The following OR9Q1 variants were observed in gnomAD, a reference collection of about 807,000 sequenced individuals.
OR9Q1 encodes olfactory receptor family 9 subfamily Q member 1.
For missense variants in OR9Q1, 374 were observed against 378.8 expected, an observed-to-expected ratio of 0.99 and a Z score of 0.11; for synonymous variants, 153 against 148.6, an observed-to-expected ratio of 1.03 and a Z score of -0.22.
intron 2 of OR9Q1, among the ~76,000 whole-genome samples, chr11:58,131,073 A>C (rs1013758269): frequency 6.6e-6 from 1 of 152,138 alleles, no homozygotes; most frequent in Non-Finnish European, 1.5e-5. Context: ...AATGCTATAA[A>C]CATCTCCCTG....
At chr11:58,036,805 A>G (rs1186962867) in intron 1 of OR9Q1, among the ~76,000 whole-genome samples, 1 of 152,240 alleles carries the variant, frequency 6.6e-6, no homozygotes, top group African/African-American at 2.4e-5. Context: ...ATGGATGAAG[A>G]GTTGCTTCTT....
chr11:58,152,838 G>T (rs1379697762), intron 2 of OR9Q1, among the ~76,000 whole-genome samples: 1 of 151,640 alleles, frequency 6.6e-6, no homozygotes, highest in Non-Finnish European at 1.5e-5. Context: ...CATTTTTTAT[G>T]TCTCACATCT....
chr11:58,070,304 C>T (rs1853474978), intron 2 of OR9Q1, among the ~76,000 whole-genome samples: 1 of 151,956 alleles, frequency 6.6e-6, no homozygotes, highest in South Asian at 2.1e-4. Flanking sequence ...GTGTGAACCA[C>T]CATGTCTGGC....
In OR9Q1 at chr11:58,109,620, A is replaced by C. The variant is rs1353233057; in HGVS notation, c.-15+53673A>C. 3 of 456,984 alleles carry C rather than the reference A, an allele frequency of 6.6e-6. No homozygotes were observed. The East Asian group carries it at 2.1e-4, about 32-fold the overall frequency. 28.3% of individuals were successfully genotyped at this position (456,984 alleles called of 1,614,324 possible). On this transcript the variant is annotated intron_variant, in intron 2 of 2. Coordinates refer to ENST00000335397, the MANE Select transcript of OR9Q1 (RefSeq NM_001005212.4). The stretch of plus-strand genomic sequence containing the variant: ...GTTCAGGGTGATCTGTGAAGACTAC[A>C]AGAATGAACTCTGTCACAGTGCTGA...
chr11:58,124,917 C>CA (rs1462808357), intron 2 of OR9Q1, among the ~76,000 whole-genome samples: 3 of 152,006 alleles, frequency 2.0e-5, no homozygotes, highest in Non-Finnish European at 2.9e-5. Context: ...AATGATCCTA[C>CA]AAAAAAGGTA....
chr11:58,119,312 T>G, intron 2 of OR9Q1: 2 of 1,613,796 alleles, frequency 1.2e-6, no homozygotes, highest in Non-Finnish European at 1.7e-6. Context: ...AACATAATCA[T>G]CCCCACATTC....
chr11:58,138,134 TC>T (rs1268208366), intron 2 of OR9Q1, among the ~76,000 whole-genome samples: 3 of 152,086 alleles, frequency 2.0e-5, no homozygotes, highest in Non-Finnish European at 4.4e-5. Flanking sequence ...TCAACTGCCA[TC>T]CCCCAATCAT....
intron 2 of OR9Q1, 65 bp from the exon 3 acceptor site, chr11:58,179,366 A>G: frequency 1.0e-6 from 1 of 1,000,872 alleles, no homozygotes; most frequent in Non-Finnish European, 1.5e-6. Flanking sequence ...AATAAATGTG[A>G]ACTACAAATA....
chr11:58,039,749 C>G (rs1161106954), intron 1 of OR9Q1, among the ~76,000 whole-genome samples: 1 of 152,196 alleles, frequency 6.6e-6, no homozygotes, highest in Non-Finnish European at 1.5e-5. Flanking sequence ...TTGGTGATGG[C>G]AGATCACAAA....
chr11:58,064,814 T>A (rs1174165583), intron 2 of OR9Q1, among the ~76,000 whole-genome samples: 1 of 151,286 alleles, frequency 6.6e-6, no homozygotes, highest in Non-Finnish European at 1.5e-5. Flanking sequence ...CCCCAGGGAG[T>A]CCCTCCTTGG....
rs200291687 is a variant in OR9Q1, at chr11:58,140,380, G to A, written c.-14-39051G>A. The stretch of plus-strand genomic sequence containing the variant: ...CTTGCCCATGCCTATGTCCTGAATG[G>A]TATTGCCTAGGTTTTCTTCTAGGGT... On this transcript the variant is annotated intron_variant, in intron 2 of 2. Coordinates refer to ENST00000335397, the MANE Select transcript of OR9Q1 (RefSeq NM_001005212.4). Among the ~76,000 whole-genome samples the A allele has an allele frequency of 2.8e-3, 433 of 152,250 alleles. 6 individuals carry two copies. The East Asian group carries it at 0.039, about 14-fold the overall frequency.
chr11:58,102,304 G>C lies in OR9Q1; in HGVS notation c.-15+46357G>C, dbSNP rs1040132856. On this transcript the variant is annotated intron_variant, in intron 2 of 2. Coordinates refer to ENST00000335397, the MANE Select transcript of OR9Q1 (RefSeq NM_001005212.4). ...TTTCCTCTCATTATTTATCTTTGCA[G>C]TTTAGTGTTTTTCTGTATTGATAAG... is the stretch of plus-strand genomic sequence containing the variant. Among the ~76,000 whole-genome samples, 4 of 151,782 alleles carry C rather than the reference G, an allele frequency of 2.6e-5. No homozygotes were observed. The East Asian group carries it at 7.7e-4, about 29-fold the overall frequency.
intron 2 of OR9Q1, among the ~76,000 whole-genome samples, chr11:58,152,260 T>C (rs1854360515): frequency 6.6e-6 from 1 of 152,184 alleles, no homozygotes; most frequent in African/African-American, 2.4e-5. Flanking sequence ...AGAACATTTA[T>C]TTTATTTTAA....
At chr11:58,132,533 T>C (rs1182783290) in intron 2 of OR9Q1, among the ~76,000 whole-genome samples, 1 of 152,230 alleles carries the variant, frequency 6.6e-6, no homozygotes, top group Non-Finnish European at 1.5e-5. Flanking sequence ...TTGCTCTGGG[T>C]ACTTTATCTA....
chr11:58,070,524 A>T (rs1853477640), intron 2 of OR9Q1, among the ~76,000 whole-genome samples: 1 of 152,182 alleles, frequency 6.6e-6, no homozygotes, highest in Admixed American at 6.5e-5. Flanking sequence ...ATTGGAACTC[A>T]CTGGTCTCAT....
chr11:58,048,679 A>AAATATATATAT (rs745596668), intron 1 of OR9Q1, among the ~76,000 whole-genome samples: 17,364 of 128,986 alleles, frequency 0.13, 1,581 homozygotes, highest in East Asian at 0.35. Context: ...TAAAAAAAAA[A>AAATATATATAT]ATATATATAT....
At chr11:58,139,023 G>C (rs1854216626) in intron 2 of OR9Q1, among the ~76,000 whole-genome samples, 1 of 152,096 alleles carries the variant, frequency 6.6e-6, no homozygotes, top group African/African-American at 2.4e-5. Flanking sequence ...GAGACAGAAA[G>C]ACAAAGCAGG....
At chr11:58,045,202 AT>A (rs1355613190) in intron 1 of OR9Q1, 1 of 152,136 alleles carries the variant, frequency 6.6e-6, no homozygotes, top group East Asian at 1.9e-4. Context: ...CGGATAAGGG[AT>A]ACTCAAGTTG....
At chr11:58,074,485 C>T (rs192296195) in intron 2 of OR9Q1, among the ~76,000 whole-genome samples, 1 of 151,694 alleles carries the variant, frequency 6.6e-6, no homozygotes, top group African/African-American at 2.4e-5. Flanking sequence ...GTTTAAGTTC[C>T]TTGTAGATTC....
Sources: allele counts gnomAD v4.1 joint callset (sites outside exome capture counted in the v4.1 genomes callset), GRCh38; gene constraint gnomAD v4.1.1; transcripts MANE v1.5; gene names NCBI Gene and HGNC (gene_info 2026-07-23, HGNC 2026-07-21).